BACH1: variants seen among roughly 807,000 people sequenced by gnomAD.
BACH1 encodes BTB domain and CNC homolog 1.
Under a neutral mutation model 52.9 loss-of-function variants are expected in BACH1, and 35 were observed. The ratio of observed to expected loss-of-function variants is 0.66; its 90% CI spans 0.51 to 0.88. BACH1 has a LOEUF of 0.88. Among genes scored for constraint, BACH1 ranks in the 40% least tolerant of loss-of-function variants. BACH1 has a pLI of 0.00. For missense variants in BACH1, 808 were observed against 872.6 expected (o/e 0.93, Z 0.93); for synonymous variants, 321 against 319.6 (o/e 1.00, Z -0.05).
At chr21:29,331,061 T>C (rs999654400) in intron 4 of BACH1, among the ~76,000 whole-genome samples, 2 of 152,160 alleles carry the variant, frequency 1.3e-5, no homozygotes, top group Non-Finnish European at 2.9e-5. Flanking sequence ...TTAGTACTTT[T>C]AGAGTGTGTA....
intron 3 of BACH1, among the ~76,000 whole-genome samples, chr21:29,328,921 A>G (rs920748016): frequency 2.6e-5 from 4 of 152,186 alleles, no homozygotes; most frequent in African/African-American, 7.2e-5. Flanking sequence ...CTTTGTGTAT[A>G]TACACCACGT....
chr21:29,354,218 C>T (rs978641699), intron 2 of BACH1, among the ~76,000 whole-genome samples: 3 of 151,978 alleles, frequency 2.0e-5, no homozygotes, highest in Non-Finnish European at 4.4e-5. Context: ...TATGTGTGGC[C>T]GGGGATAATG....
At chr21:29,323,128 T>C (rs899378868) in intron 2 of BACH1, among the ~76,000 whole-genome samples, 10 of 152,264 alleles carry the variant, frequency 6.6e-5, no homozygotes, top group African/African-American at 2.2e-4. Flanking sequence ...TTTTAGATTA[T>C]TTTAACATAT....
At chr21:29,341,119 A>G (rs2089107772) in intron 4 of BACH1, among the ~76,000 whole-genome samples, 1 of 152,182 alleles carries the variant, frequency 6.6e-6, no homozygotes, top group Non-Finnish European at 1.5e-5. Context: ...CAATAATTGG[A>G]TTCATACATA....
downstream of BACH1, among the ~76,000 whole-genome samples, chr21:29,347,258 G>T (rs376104486): frequency 5.3e-4 from 81 of 152,272 alleles, no homozygotes; most frequent in African/African-American, 1.8e-3. Context: ...TCTGGAATTA[G>T]GCAGACTTAA....
At position 29,342,981 on chromosome 21, in the gene BACH1, G is replaced by C. The variant is rs2089133289; in HGVS notation, c.*148G>C. ...AGGGAATTTCCTTTAAGTCAACCAT[G>C]ATTTCTCCTTGATTTCTACAAGAGA... On this transcript the variant is annotated 3_prime_UTR_variant, in exon 5 of 5. Transcript: ENST00000286800. The C allele has an allele frequency of 2.7e-6, 2 of 739,824 alleles. No individual in the cohort carries two copies. Among genetic ancestry groups the C allele is most frequent in the African/African-American group, 3.5e-5 (2 of 56,810 alleles). 45.8% of individuals were successfully genotyped at this position (739,824 alleles called of 1,614,324 possible). A position where few individuals can be genotyped will look rare whatever the true frequency, so the allele number is the denominator to read the frequency against.
chr21:29,321,544 A>G (rs979589142), intron 2 of BACH1, 30 bp downstream of exon 2: 74 of 1,587,338 alleles, frequency 4.7e-5, no homozygotes, highest in Non-Finnish European at 6.2e-5. Flanking sequence ...GGCAATTTTA[A>G]TCTACTTTTA....
chr21:29,310,722 G>A (rs1347089293), intron 1 of BACH1, among the ~76,000 whole-genome samples: 1 of 152,250 alleles, frequency 6.6e-6, no homozygotes, highest in African/African-American at 2.4e-5. Context: ...CTATTGCTGA[G>A]ATGCTGTGTA....
chr21:29,351,498 T>C, intron 2 of BACH1: 1 of 411,096 alleles, frequency 2.4e-6, no homozygotes, highest in South Asian at 1.8e-5. Context: ...TATTAAAACC[T>C]TAAGAATAAG....
rs1168932345 is a variant in BACH1, at chr21:29,344,676, A to T, written c.*1843A>T. 1 of 151,268 alleles carries T rather than the reference A, an allele frequency of 6.6e-6. No individual in the cohort carries two copies. The highest frequency in any genetic ancestry group is 1.5e-5 in the Non-Finnish European group (1 of 67,696). The allele number at this position is 151,268 out of a possible 1,614,324, so 9.4% of individuals were successfully genotyped here. A position where few individuals can be genotyped will look rare whatever the true frequency, so the allele number is the denominator to read the frequency against. ...TGTGTGTGTGTGTGTGTGTATGTGTATGTATACATATATATCTCTCCATAT... is the reference window on the plus strand; with the variant it reads ...TGTGTGTGTGTGTGTGTGTATGTGTTTGTATACATATATATCTCTCCATAT... On this transcript the variant is annotated 3_prime_UTR_variant, in exon 5 of 5. Coordinates refer to ENST00000286800, the MANE Select transcript of BACH1 (RefSeq NM_001186.4).
intron 2 of BACH1, among the ~76,000 whole-genome samples, chr21:29,324,231 CAAAAAAAAAA>C (rs35915821): frequency 9.5e-5 from 6 of 63,174 alleles, no homozygotes; most frequent in Admixed American, 9.5e-4. Flanking sequence ...GACTCTGCCT[CAAAAAAAAAA>C]AAAAAAAAAA....
intron 1 of BACH1, among the ~76,000 whole-genome samples, chr21:29,303,493 T>C (rs1261027874): frequency 6.6e-6 from 1 of 152,234 alleles, no homozygotes; most frequent in Non-Finnish European, 1.5e-5. Context: ...GTTTAACAGA[T>C]TGAAGGAGAG....
At chr21:29,312,353 A>G (rs1178231850) in intron 1 of BACH1, among the ~76,000 whole-genome samples, 2 of 152,168 alleles carry the variant, frequency 1.3e-5, no homozygotes, top group African/African-American at 2.4e-5. Context: ...TTAGTGGCGA[A>G]ATACTTAACA....
intron 1 of BACH1, among the ~76,000 whole-genome samples, chr21:29,302,738 A>C (rs1296656034): frequency 6.6e-6 from 1 of 152,230 alleles, no homozygotes; most frequent in Non-Finnish European, 1.5e-5. Flanking sequence ...GTTACACAGT[A>C]GTGTTTTATA....
chr21:29,299,114 G>C (rs1336556912), intron 1 of BACH1, among the ~76,000 whole-genome samples, 161 bp downstream of exon 1: 1 of 150,932 alleles, frequency 6.6e-6, no homozygotes, highest in Non-Finnish European at 1.5e-5. Context: ...CACGTATCGG[G>C]GCCCGCGGGG....
At chr21:29,314,551 ATGT>A (rs1489081766) in intron 1 of BACH1, among the ~76,000 whole-genome samples, 5 of 152,290 alleles carry the variant, frequency 3.3e-5, no homozygotes, top group Admixed American at 1.3e-4. Flanking sequence ...ACCTCACATG[ATGT>A]TGTAATAATC....
chr21:29,336,068 T>G (rs1027827017), intron 4 of BACH1, among the ~76,000 whole-genome samples: 2 of 152,216 alleles, frequency 1.3e-5, no homozygotes, highest in African/African-American at 4.8e-5. Flanking sequence ...TTTCCCATCT[T>G]TCATAGATGC....
At chr21:29,358,922 G>T (rs2089255330) in intron 2 of BACH1, 1 of 151,750 alleles carries the variant, frequency 6.6e-6, no homozygotes, top group African/African-American at 2.4e-5. Context: ...ACACAAGGGG[G>T]GTAGTATTTA....
chr21:29,351,891 C>T, intron 2 of BACH1: 4 of 389,510 alleles, frequency 1.0e-5, no homozygotes, highest in Non-Finnish European at 1.6e-5. Context: ...AGACAGCTGC[C>T]AGCATACTTA....
Sources: gnomAD v4.1 joint callset for allele counts (sites outside exome capture counted in the v4.1 genomes callset) on GRCh38, gnomAD v4.1.1 for gene constraint, MANE v1.5 for transcripts, NCBI Gene and HGNC (gene_info 2026-07-23, HGNC 2026-07-21) for gene names.